The following EHMT1 variants were observed in gnomAD, a reference collection of about 807,000 sequenced individuals.
EHMT1 encodes histone-lysine N-methyltransferase EHMT1.
Under a neutral mutation model 147.2 loss-of-function variants are expected in EHMT1, and 15 were observed. The ratio of observed to expected loss-of-function variants is 0.10; its 90% CI spans 0.07 to 0.16. The LOEUF (loss-of-function observed/expected upper bound fraction) is 0.16, where lower values mean the gene tolerates loss of function less well. EHMT1 is among the 10% of genes least tolerant of loss of function. EHMT1 has a pLI of 1.00. For synonymous variants in EHMT1, 795 were observed against 709.6 expected, an observed-to-expected ratio of 1.12 and a Z score of -1.91; for missense variants, 1,587 against 1,772.4, an observed-to-expected ratio of 0.90 and a Z score of 1.88.
At chr9:137,654,761 T>C (rs1239019268) in intron 1 of EHMT1, among the ~76,000 whole-genome samples, 1 of 152,128 alleles carries the variant, frequency 6.6e-6, no homozygotes, top group Non-Finnish European at 1.5e-5. Context: ...AACATGGCAT[T>C]ATCTGGACAG....
chr9:137,798,410 GAGAA>G (rs1953143889), intron 16 of EHMT1, among the ~76,000 whole-genome samples: 1 of 151,576 alleles, frequency 6.6e-6, no homozygotes, highest in Non-Finnish European at 1.5e-5. Context: ...TCAAAAAGGA[GAGAA>G]AGAAAAAAAA....
intron 1 of EHMT1, among the ~76,000 whole-genome samples, chr9:137,653,481 TAA>T (rs1239693827): frequency 2.0e-5 from 3 of 152,164 alleles, no homozygotes; most frequent in Non-Finnish European, 4.4e-5. Flanking sequence ...ATAAAGCACC[TAA>T]GACAGTGCTT....
At chr9:137,737,172 A>G (rs1416095996) in intron 4 of EHMT1, among the ~76,000 whole-genome samples, 1 of 152,214 alleles carries the variant, frequency 6.6e-6, no homozygotes, top group African/African-American at 2.4e-5. Context: ...TGATTGTATC[A>G]CTGCACTTTA....
chr9:137,635,024 C>G (rs1416056394), intron 1 of EHMT1, among the ~76,000 whole-genome samples: 1 of 150,680 alleles, frequency 6.6e-6, no homozygotes, highest in Non-Finnish European at 1.5e-5. Flanking sequence ...CCGGCTGTCA[C>G]TTGGATTTTC....
intron 1 of EHMT1, chr9:137,667,485 CGGGCAGCAGGTGTGTGACTGCAGTCCTG>C: frequency 6.6e-6 from 1 of 152,452 alleles, no homozygotes; most frequent in African/African-American, 2.4e-5. Flanking sequence ...TTGAAGGAGA[CGGGCAGCAGGTGTGTGACTGCAGTCCTG>C]GGGCACGGGC....
At chr9:137,791,767 T>TGTCA (rs1312326653) in intron 16 of EHMT1, among the ~76,000 whole-genome samples, 2 of 152,216 alleles carry the variant, frequency 1.3e-5, no homozygotes, top group Non-Finnish European at 1.5e-5. Flanking sequence ...AGTCTTGCTC[T>TGTCA]GTCACCCAGA....
At chr9:137,815,494 C>A in intron 22 of EHMT1, 1 of 279,750 alleles carries the variant, frequency 3.6e-6, no homozygotes, top group Non-Finnish European at 7.0e-6. Flanking sequence ...CTGTACCTGG[C>A]CTGGCTTCAG....
rs1453656980 is a variant in EHMT1, at chr9:137,762,722, G to A, written c.1549G>A (p.Val517Met). ...DVLETDGLQE[V>M]PLCSCRMETP... ...GCTGGAGACAGACGGCCTCCAGGAA[G>A]TGCCTCTCTGCAGCTGCCGGATGGA... Residue 517 changes from valine (V) to methionine (M), a missense_variant, in exon 10 of 27, where the codon GTG (valine) becomes ATG (methionine). By Grantham distance (21) the Val-to-Met change is conservative. Around this residue, in one of 7 missense-constraint regions of EHMT1, gnomAD observed 124 missense variants for 197.8 expected, o/e 0.63. Coordinates refer to ENST00000460843, the MANE Select transcript of EHMT1 (RefSeq NM_024757.5). The A allele has an allele frequency of 6.2e-7, 1 of 1,614,142 alleles. No homozygotes were observed. Among genetic ancestry groups the A allele is most frequent in the East Asian group, 2.2e-5 (1 of 44,904 alleles).
chr9:137,739,728 G>T (rs970448403), intron 4 of EHMT1, among the ~76,000 whole-genome samples: 6 of 152,248 alleles, frequency 3.9e-5, no homozygotes, highest in African/African-American at 1.4e-4. Flanking sequence ...TTTTGCTGGT[G>T]ACCACAGGAC....
chr9:137,671,639 C>T (rs933150218), intron 1 of EHMT1, among the ~76,000 whole-genome samples: 1 of 151,762 alleles, frequency 6.6e-6, no homozygotes, highest in African/African-American at 2.4e-5. Context: ...ATTCTCCCAC[C>T]ACAGCCTCTC....
In EHMT1 at chr9:137,754,425, A is replaced by G. The variant is rs901047404; in HGVS notation, c.1369+134A>G. 60 of 1,322,282 alleles carry G rather than the reference A, an allele frequency of 4.5e-5. No individual in the cohort carries two copies. In the East Asian group the frequency reaches 1.5e-3, roughly 33 times the overall value. The allele number at this position is 1,322,282 out of a possible 1,614,324, so 81.9% of individuals were successfully genotyped here. A position where few individuals can be genotyped will look rare whatever the true frequency, so the allele number is the denominator to read the frequency against. On this transcript the variant is annotated intron_variant, in intron 8 of 26. Coordinates refer to ENST00000460843, the MANE Select transcript of EHMT1 (RefSeq NM_024757.5). ...TCACTGTTTAAAAAAAATGTTTGAA[A>G]TGACTTTGTTAGAGAAACTCAAGTG...
At chr9:137,767,105 G>A (rs1035087669) in intron 10 of EHMT1, among the ~76,000 whole-genome samples, 1 of 152,110 alleles carries the variant, frequency 6.6e-6, no homozygotes, top group Admixed American at 6.5e-5. Flanking sequence ...TTGTAAGTGT[G>A]AGCCACCGTG....
intron 1 of EHMT1, among the ~76,000 whole-genome samples, chr9:137,625,646 A>T (rs1843208690): frequency 6.6e-6 from 1 of 151,876 alleles, no homozygotes; most frequent in Non-Finnish European, 1.5e-5. Context: ...CCGACAGTTT[A>T]TTCTTTACTG....
At chr9:137,665,088 T>A (rs1313054754) in intron 1 of EHMT1, 1 of 152,156 alleles carries the variant, frequency 6.6e-6, no homozygotes, top group Non-Finnish European at 1.5e-5. Context: ...AGAGAAGGAT[T>A]GGTGTTATTT....
At chr9:137,625,404 A>G (rs1393832703) in intron 1 of EHMT1, among the ~76,000 whole-genome samples, 1 of 151,954 alleles carries the variant, frequency 6.6e-6, no homozygotes, top group Non-Finnish European at 1.5e-5. Context: ...CAGTCTCACT[A>G]TGTTGCTCAG....
At chr9:137,745,718 A>G (rs1948490474) in intron 6 of EHMT1, 1 of 395,434 alleles carries the variant, frequency 2.5e-6, no homozygotes, top group Non-Finnish European at 4.4e-6. Flanking sequence ...CTGTCAAGTT[A>G]CAAGGGGTAT....
chr9:137,748,367 A>G (rs1442899762), intron 6 of EHMT1, among the ~76,000 whole-genome samples: 1 of 152,222 alleles, frequency 6.6e-6, no homozygotes, highest in Non-Finnish European at 1.5e-5. Flanking sequence ...GCGACCATAC[A>G]GGTTCCTCTG....
chr9:137,695,180 G>A (rs555517612), intron 1 of EHMT1, among the ~76,000 whole-genome samples: 2 of 152,352 alleles, frequency 1.3e-5, no homozygotes, highest in African/African-American at 4.8e-5. Flanking sequence ...CCCTCGGCAC[G>A]TGTTTCTTCT....
chr9:137,775,313 G>A lies in EHMT1; in HGVS notation c.1791+61G>A. 6.3e-7 allele frequency: 1 copy of A among 1,590,424 alleles called. No individual in the cohort carries two copies. The highest frequency in any genetic ancestry group is 1.1e-5 in the South Asian group (1 of 89,792). ...CAGGCTTTGCTGTCTGCTCACTGGT[G>A]CTGGTTCCTGTCCTGTGTCCACCTG... On this transcript the variant is annotated intron_variant, in intron 11 of 26. Transcript: ENST00000460843. The surrounding 1 kb of genome is among the most constrained non-coding windows in gnomAD (Gnocchi z 6.1).
Sources: allele counts gnomAD v4.1 joint callset (sites outside exome capture counted in the v4.1 genomes callset), GRCh38; gene constraint gnomAD v4.1.1; regional missense constraint gnomAD v4.1.1; non-coding constraint Gnocchi (gnomAD v3.1); transcripts MANE v1.5; gene names NCBI Gene and HGNC (gene_info 2026-07-23, HGNC 2026-07-21).